Variants in HS6ST3 observed in about 807,000 individuals in gnomAD.
HS6ST3 encodes heparan sulfate 6-O-sulfotransferase 3.
Under a neutral mutation model 36.7 loss-of-function variants are expected in HS6ST3, and 12 were observed. That is an observed-to-expected ratio of 0.33 (90% CI 0.21 to 0.53). The LOEUF (loss-of-function observed/expected upper bound fraction) is 0.53. HS6ST3 is among the 20% of genes least tolerant of loss of function. HS6ST3 has a pLI of 0.95. For missense variants in HS6ST3, 584 were observed against 640.9 expected, an observed-to-expected ratio of 0.91 and a Z score of 0.96; for synonymous variants, 240 against 257.5, an observed-to-expected ratio of 0.93 and a Z score of 0.65.
intron 1 of HS6ST3, among the ~76,000 whole-genome samples, chr13:96,585,346 A>C (rs1347835156): frequency 6.6e-6 from 1 of 152,164 alleles, no homozygotes; most frequent in African/African-American, 2.4e-5. Context: ...ACATTTTTTT[A>C]AATTTTTAAT....
intron 1 of HS6ST3, among the ~76,000 whole-genome samples, chr13:96,827,620 A>T (rs1207176978): frequency 6.6e-6 from 1 of 152,210 alleles, no homozygotes; most frequent in Middle Eastern, 3.2e-3. Context: ...CTATGTTTTG[A>T]TGTCAGAGCA....
rs1268481758 is a variant in HS6ST3, at chr13:96,592,206, A to G, written c.708-240284A>G. On this transcript the variant is annotated intron_variant, in intron 1 of 1. Coordinates refer to ENST00000376705, the MANE Select transcript of HS6ST3 (RefSeq NM_153456.4). ...TTTGGTATAAAGGTAATACTATGTC[A>G]TAACCCATTATTTTAAGCTGATAAC... Among the ~76,000 whole-genome samples, 3 of 152,250 alleles carry G rather than the reference A, an allele frequency of 2.0e-5. No individual in the cohort carries two copies. The East Asian group carries it at 5.8e-4, about 29-fold the overall frequency.
intron 1 of HS6ST3, among the ~76,000 whole-genome samples, chr13:96,370,813 C>T (rs2055286067): frequency 6.6e-6 from 1 of 152,138 alleles, no homozygotes. Flanking sequence ...AGGAGAATCG[C>T]TTGAACCCCT....
intron 1 of HS6ST3, among the ~76,000 whole-genome samples, chr13:96,500,552 T>G (rs556372404): frequency 9.2e-5 from 14 of 152,240 alleles, no homozygotes; most frequent in African/African-American, 3.4e-4. Flanking sequence ...GTTGCAATAA[T>G]CCAGATGGGA....
intron 1 of HS6ST3, among the ~76,000 whole-genome samples, chr13:96,739,714 C>T (rs1015599597): frequency 3.3e-5 from 5 of 152,266 alleles, no homozygotes; most frequent in African/African-American, 4.8e-5. Flanking sequence ...TTTTAATGGT[C>T]ACGCCACTCC....
chr13:96,492,595 G>A (rs145420094), intron 1 of HS6ST3, among the ~76,000 whole-genome samples: 121 of 152,280 alleles, frequency 7.9e-4, no homozygotes, highest in South Asian at 3.5e-3. Flanking sequence ...TATCTTCACC[G>A]TTTCTAAGAG....
chr13:96,351,320 C>T (rs2055182381), intron 1 of HS6ST3, among the ~76,000 whole-genome samples: 4 of 143,150 alleles, frequency 2.8e-5, no homozygotes, highest in African/African-American at 1.1e-4. Context: ...AGGTGGCAGT[C>T]TTTTTTTTTT....
rs548167041 is a variant in HS6ST3, at chr13:96,304,304, A to G, written c.707+212735A>G. Among the ~76,000 whole-genome samples the G allele has an allele frequency of 5.9e-5, 9 of 152,334 alleles. No individual in the cohort carries two copies. In the East Asian group the frequency reaches 1.7e-3, roughly 29 times the overall value. On this transcript the variant is annotated intron_variant, in intron 1 of 1. Coordinates refer to ENST00000376705, the MANE Select transcript of HS6ST3 (RefSeq NM_153456.4). Reference sequence around the variant, plus strand: ...GGTGGAGTTGCATCTCATCCAGAATAGACAGAAAGAGGCACCAGAGTCTTC... The same window carrying G: ...GGTGGAGTTGCATCTCATCCAGAATGGACAGAAAGAGGCACCAGAGTCTTC...
Position 96,091,448 on chromosome 13 carries a change from C to G in HS6ST3, c.586C>G (p.Leu196Val). Residue 196 changes from leucine to valine, a missense_variant, in exon 1 of 2, where the codon CTC becomes GTC. Coordinates refer to ENST00000376705, the MANE Select transcript of HS6ST3 (RefSeq NM_153456.4). ...CHRPGKKETW[L>V]FSRFSTGWSC... Reference sequence around the variant, plus strand: ...CCGGCCTGGCAAGAAGGAGACGTGGCTCTTCTCCCGCTTCTCCACCGGCTG... The same window carrying G: ...CCGGCCTGGCAAGAAGGAGACGTGGGTCTTCTCCCGCTTCTCCACCGGCTG... 1 of 1,611,104 alleles carries G rather than the reference C, an allele frequency of 6.2e-7. No individual in the cohort carries two copies. Among genetic ancestry groups the G allele is most frequent in the South Asian group, 1.1e-5 (1 of 90,638 alleles).
At chr13:96,782,644 T>C (rs1306398470) in intron 1 of HS6ST3, among the ~76,000 whole-genome samples, 1 of 152,174 alleles carries the variant, frequency 6.6e-6, no homozygotes, top group Non-Finnish European at 1.5e-5. Context: ...GGCTTTTTCA[T>C]TGCTTATCCT....
chr13:96,284,907 T>TTTGCTTGCTTGC (rs571805266), intron 1 of HS6ST3, among the ~76,000 whole-genome samples: 326 of 129,434 alleles, frequency 2.5e-3, no homozygotes, highest in East Asian at 8.8e-3. Flanking sequence ...TGAATGCATA[T>TTTGCTTGCTTGC]TTGCTTTCTT....
At chr13:96,773,023 G>A (rs772743605) in intron 1 of HS6ST3, among the ~76,000 whole-genome samples, 1 of 152,178 alleles carries the variant, frequency 6.6e-6, no homozygotes, top group Admixed American at 6.5e-5. Flanking sequence ...GAGCTGAAGT[G>A]GGGGAGGGGT....
chr13:96,224,879 C>G (rs898189755), intron 1 of HS6ST3, among the ~76,000 whole-genome samples: 1 of 152,126 alleles, frequency 6.6e-6, no homozygotes, highest in Non-Finnish European at 1.5e-5. Context: ...ACTTTGATTT[C>G]TTTTAGGCCA....
In HS6ST3 at chr13:96,121,463, C is replaced by G. The variant is rs139803732; in HGVS notation, c.707+29894C>G. Among the ~76,000 whole-genome samples the G allele has an allele frequency of 2.0e-3, 307 of 152,322 alleles. 1 individual carries two copies. Among genetic ancestry groups the G allele is most frequent in the African/African-American group, 6.9e-3 (287 of 41,576 alleles). On this transcript the variant is annotated intron_variant, in intron 1 of 1. Coordinates refer to ENST00000376705, the MANE Select transcript of HS6ST3 (RefSeq NM_153456.4). ...ATTCATTTACAACATACGTTGACATCTTGTGGGCACCCTCCTTCCCTTTGG... is the reference window on the plus strand; with the variant it reads ...ATTCATTTACAACATACGTTGACATGTTGTGGGCACCCTCCTTCCCTTTGG...
intron 1 of HS6ST3, among the ~76,000 whole-genome samples, chr13:96,319,441 A>G (rs2054992771): frequency 6.6e-6 from 1 of 152,214 alleles, no homozygotes; most frequent in Non-Finnish European, 1.5e-5. Context: ...CTTATGAATA[A>G]TGTTGCCATA....
chr13:96,377,648 T>A (rs1371780553), intron 1 of HS6ST3, among the ~76,000 whole-genome samples: 1 of 152,142 alleles, frequency 6.6e-6, no homozygotes, highest in Non-Finnish European at 1.5e-5. Context: ...AACCAAATGA[T>A]ACATTAAGGC....
intron 1 of HS6ST3, among the ~76,000 whole-genome samples, chr13:96,298,227 GA>G (rs1425785395): frequency 3.3e-5 from 5 of 152,126 alleles, no homozygotes; most frequent in African/African-American, 1.2e-4. Context: ...CTGCTTATAT[GA>G]TAAGATGTCA....
chr13:96,176,742 C>T (rs1164890447), intron 1 of HS6ST3, among the ~76,000 whole-genome samples: 2 of 152,032 alleles, frequency 1.3e-5, no homozygotes, highest in African/African-American at 4.8e-5. Context: ...TGGAAAGAAG[C>T]AATTGCAACA....
In HS6ST3 at chr13:96,433,884, G is replaced by A. The variant is rs189384941; in HGVS notation, c.707+342315G>A. 1.5e-3 allele frequency among the ~76,000 whole-genome samples: 226 copies of A among 152,294 alleles called. 1 individual carries two copies. Among genetic ancestry groups the A allele is most frequent in the African/African-American group, 5.1e-3 (210 of 41,560 alleles). On this transcript the variant is annotated intron_variant, in intron 1 of 1. Transcript: ENST00000376705. ...CTGGAGGCGGAGGCTGCAGTGAGCC[G>A]AGGTCATGCCATTGCACTCCAGCCT...
Sources: gnomAD v4.1 joint callset for allele counts (sites outside exome capture counted in the v4.1 genomes callset) on GRCh38, gnomAD v4.1.1 for gene constraint, MANE v1.5 for transcripts, NCBI Gene and HGNC (gene_info 2026-07-23, HGNC 2026-07-21) for gene names.